SNTG1: variants seen among roughly 807,000 people sequenced by gnomAD.
The protein encoded by SNTG1 is gamma-1-syntrophin.
A neutral mutation model predicts 74.7 loss-of-function variants in SNTG1; 39 were observed. That is an observed-to-expected ratio of 0.52 (90% CI 0.40 to 0.68). The LOEUF (loss-of-function observed/expected upper bound fraction) is 0.68, where lower values mean the gene tolerates loss of function less well. Ranked by LOEUF, SNTG1 falls within the 30% of genes least tolerant of loss-of-function variation. The pLI, the probability that SNTG1 is intolerant of heterozygous loss-of-function variation, is 0.00. For missense variants in SNTG1, 685 were observed against 609.5 expected (o/e 1.12, Z -1.30); for synonymous variants, 254 against 217.1 (o/e 1.17, Z -1.49).
At chr8:50,699,823 T>C (rs1175853196) in intron 15 of SNTG1, among the ~76,000 whole-genome samples, 1 of 151,930 alleles carries the variant, frequency 6.6e-6, no homozygotes, top group East Asian at 1.9e-4. Context: ...TTTATCTGTA[T>C]TTATTTTATT....
chr8:49,928,582 G>A (rs908783382), intron 1 of SNTG1, among the ~76,000 whole-genome samples: 1 of 152,030 alleles, frequency 6.6e-6, no homozygotes, highest in African/African-American at 2.4e-5. Flanking sequence ...TGCAACAAAT[G>A]TTGATAGTAG....
chr8:49,918,039 C>T (rs752446393), intron 1 of SNTG1, among the ~76,000 whole-genome samples: 47 of 152,176 alleles, frequency 3.1e-4, no homozygotes, highest in Non-Finnish European at 5.7e-4. Flanking sequence ...CTTTTCGTTT[C>T]CCATTTCAAT....
chr8:50,194,424 A>T (rs1173566590), intron 2 of SNTG1, among the ~76,000 whole-genome samples: 2 of 152,058 alleles, frequency 1.3e-5, no homozygotes, highest in East Asian at 3.9e-4. Flanking sequence ...GGAATTACTC[A>T]TCTCTTCTAG....
intron 9 of SNTG1, among the ~76,000 whole-genome samples, chr8:50,527,984 T>C (rs1183208777): frequency 6.6e-6 from 1 of 151,978 alleles, no homozygotes; most frequent in Non-Finnish European, 1.5e-5. Flanking sequence ...ACATAAAATA[T>C]AATTTAATTT....
intron 1 of SNTG1, among the ~76,000 whole-genome samples, chr8:50,144,073 A>G (rs2081770140): frequency 6.6e-6 from 1 of 152,182 alleles, no homozygotes. Flanking sequence ...AGATGCAGTC[A>G]CACACATTCA....
chr8:49,933,023 C>G (rs1327085893), intron 1 of SNTG1, among the ~76,000 whole-genome samples: 3 of 152,082 alleles, frequency 2.0e-5, no homozygotes, highest in African/African-American at 7.2e-5. Flanking sequence ...CCATTTATTA[C>G]TTGGTGAACA....
intron 17 of SNTG1, among the ~76,000 whole-genome samples, chr8:50,724,292 G>A (rs1328433302): frequency 6.6e-6 from 1 of 152,120 alleles, no homozygotes; most frequent in African/African-American, 2.4e-5. Context: ...AGGAATCTCT[G>A]TTTGGGAAAG....
intron 4 of SNTG1, among the ~76,000 whole-genome samples, chr8:50,416,415 A>C (rs2093014541): frequency 6.6e-6 from 1 of 152,170 alleles, no homozygotes; most frequent in African/African-American, 2.4e-5. Context: ...TGTGTAGTAC[A>C]AAAAGTGAGA....
chr8:50,058,928 A>T (rs1820249354), intron 1 of SNTG1, among the ~76,000 whole-genome samples: 1 of 152,084 alleles, frequency 6.6e-6, no homozygotes, highest in African/African-American at 2.4e-5. Context: ...AACCCCTAGT[A>T]AGCAATAAAT....
intron 10 of SNTG1, among the ~76,000 whole-genome samples, chr8:50,531,851 A>G (rs950432733): frequency 1.3e-5 from 2 of 152,204 alleles, no homozygotes; most frequent in African/African-American, 4.8e-5. Context: ...GTCTTGCCTC[A>G]TACCCTTGAA....
chr8:49,999,100 C>G (rs775415115), intron 1 of SNTG1, among the ~76,000 whole-genome samples: 7 of 152,120 alleles, frequency 4.6e-5, no homozygotes, highest in Non-Finnish European at 7.3e-5. Flanking sequence ...GTTTCTTTAA[C>G]CGAACCATCA....
rs1217355515 is a variant in SNTG1, at chr8:50,381,592, G to GTGTGTGTGTA, written c.-27-12619_-27-12618insGTGTGTGTAT. On this transcript the variant is annotated intron_variant, in intron 2 of 18. Coordinates refer to ENST00000642720, the MANE Select transcript of SNTG1 (RefSeq NM_018967.5). ...TGTGTGTGTGTGTGTGTGTGTGTGT[G>GTGTGTGTGTA]TATATATATATATATCTCCTATTAG... is the stretch of plus-strand genomic sequence containing the variant. Among the ~76,000 whole-genome samples the GTGTGTGTGTA allele has an allele frequency of 6.5e-3, 633 of 98,004 alleles. 11 individuals are homozygous for GTGTGTGTGTA. The highest frequency in any genetic ancestry group is 0.012 in the South Asian group (36 of 2,900). The allele number at this position is 98,004 out of a possible 152,430, so 64.3% of individuals were successfully genotyped here. A position where few individuals can be genotyped will look rare whatever the true frequency, so the allele number is the denominator to read the frequency against.
At chr8:50,766,925 C>G (rs2095615292) in intron 18 of SNTG1, among the ~76,000 whole-genome samples, 1 of 151,626 alleles carries the variant, frequency 6.6e-6, no homozygotes, top group South Asian at 2.1e-4. Context: ...GATCATCACC[C>G]AAAAGAAATA....
At chr8:50,185,883 G>T (rs974120653) in intron 2 of SNTG1, among the ~76,000 whole-genome samples, 3 of 151,170 alleles carry the variant, frequency 2.0e-5, no homozygotes, top group African/African-American at 7.3e-5. Flanking sequence ...GAAAGTGCAG[G>T]TTTGTTACAT....
chr8:50,228,170 A>T (rs1430484258), intron 2 of SNTG1, among the ~76,000 whole-genome samples: 1 of 151,956 alleles, frequency 6.6e-6, no homozygotes, highest in Non-Finnish European at 1.5e-5. Context: ...TTGTAAGAGA[A>T]ATGAAGAATA....
At chr8:50,265,009 A>G (rs1333475683) in intron 2 of SNTG1, among the ~76,000 whole-genome samples, 1 of 152,152 alleles carries the variant, frequency 6.6e-6, no homozygotes, top group African/African-American at 2.4e-5. Flanking sequence ...TCCAAGGTTA[A>G]AAGCTCAGGT....
intron 1 of SNTG1, among the ~76,000 whole-genome samples, chr8:50,154,337 C>T (rs1466152344): frequency 6.6e-6 from 1 of 152,054 alleles, no homozygotes; most frequent in Non-Finnish European, 1.5e-5. Flanking sequence ...TCACCGCTTC[C>T]CTTGGCTAGG....
chr8:50,736,683 C>T (rs966677097), intron 17 of SNTG1, among the ~76,000 whole-genome samples: 1 of 152,076 alleles, frequency 6.6e-6, no homozygotes, highest in South Asian at 2.1e-4. Flanking sequence ...GAAGAAAAAA[C>T]ACTCCCCAGC....
At position 50,792,792 on chromosome 8, in the gene SNTG1, G is replaced by C; in HGVS notation, c.1517G>C (p.Ser506Thr). 1 of 1,612,270 alleles carries C rather than the reference G, an allele frequency of 6.2e-7. No individual in the cohort carries two copies. The highest frequency in any genetic ancestry group is 8.5e-7 in the Non-Finnish European group (1 of 1,178,804). Residue 506 changes from serine (S) to threonine (T), a missense_variant, in exon 19 of 19, where the codon AGC becomes ACC. Coordinates refer to ENST00000642720, the MANE Select transcript of SNTG1 (RefSeq NM_018967.5). Reference sequence around the variant, plus strand: ...CAAGCTACTGCTTCTACTGCTGCCAGCTCTGCTACCACGAGCAAAGCAAAG... The same window carrying C: ...CAAGCTACTGCTTCTACTGCTGCCACCTCTGCTACCACGAGCAAAGCAAAG... Reference protein sequence around the residue: ...GNQATASTAASSATTSKAKYT... With the variant: ...GNQATASTAATSATTSKAKYT...
Sources: allele counts gnomAD v4.1 joint callset (sites outside exome capture counted in the v4.1 genomes callset), GRCh38; gene constraint gnomAD v4.1.1; transcripts MANE v1.5; gene names NCBI Gene and HGNC (gene_info 2026-07-23, HGNC 2026-07-21).